BMAL1: variants seen among roughly 807,000 people sequenced by gnomAD.
BMAL1 encodes basic helix-loop-helix ARNT like 1.
the BMAL1 span, chr11:13,385,652 T>G: frequency 6.6e-7 from 1 of 1,515,638 alleles, no homozygotes; most frequent in Non-Finnish European, 9.2e-7. Flanking sequence ...CTCATAATAC[T>G]GATTCAAACT....
the BMAL1 span, among the ~76,000 whole-genome samples, chr11:13,309,051 C>A: frequency 6.6e-6 from 1 of 152,044 alleles, no homozygotes; most frequent in Non-Finnish European, 1.5e-5. Context: ...GAACTGTACA[C>A]TTAAAAATGG....
the BMAL1 span, chr11:13,374,156 T>A: frequency 6.2e-7 from 1 of 1,613,920 alleles, no homozygotes; most frequent in Non-Finnish European, 8.5e-7. Context: ...TTATGAATAT[T>A]TTCACCAAGA....
At chr11:13,381,548 GA>G in the BMAL1 span, among the ~76,000 whole-genome samples, 1 of 152,178 alleles carries the variant, frequency 6.6e-6, no homozygotes, top group Non-Finnish European at 1.5e-5. Context: ...TCCCATGAGG[GA>G]AAGATTATTG....
At chr11:13,308,050 C>A in the BMAL1 span, among the ~76,000 whole-genome samples, 9 of 152,052 alleles carry the variant, frequency 5.9e-5, no homozygotes, top group African/African-American at 1.2e-4. Context: ...GAGACTGTCG[C>A]AGCAATCTAG....
the BMAL1 span, among the ~76,000 whole-genome samples, chr11:13,302,571 A>C: frequency 6.6e-6 from 1 of 152,304 alleles, no homozygotes; most frequent in African/African-American, 2.4e-5. Flanking sequence ...AATTGGGCCC[A>C]TGTGGGCTCT....
the BMAL1 span, among the ~76,000 whole-genome samples, chr11:13,295,418 T>C: frequency 1.3e-5 from 2 of 152,178 alleles, no homozygotes; most frequent in South Asian, 4.1e-4. Context: ...AGGTTACAGG[T>C]GCCTGTTTGT....
the BMAL1 span, among the ~76,000 whole-genome samples, chr11:13,352,895 A>C: frequency 6.4e-4 from 97 of 152,240 alleles, no homozygotes; most frequent in Non-Finnish European, 1.2e-3. Flanking sequence ...GGCTGTAGGC[A>C]GGCACCCTGC....
At chr11:13,385,636 G>A in the BMAL1 span, 2 of 1,361,604 alleles carry the variant, frequency 1.5e-6, no homozygotes, top group African/African-American at 1.4e-5. Context: ...TTTCCTTTTG[G>A]CATTGCTCAT....
At chr11:13,379,713 A>T in the BMAL1 span, 1 of 152,202 alleles carries the variant, frequency 6.6e-6, no homozygotes, top group African/African-American at 2.4e-5. Context: ...TTGCAATAAG[A>T]GTGGATGTTC....
chr11:13,377,944 G>A, the BMAL1 span, among the ~76,000 whole-genome samples: 2 of 152,172 alleles, frequency 1.3e-5, no homozygotes, highest in African/African-American at 4.8e-5. Flanking sequence ...TGGTTGCCTC[G>A]TGCTTGCCTG....
chr11:13,362,125 T>A, the BMAL1 span, among the ~76,000 whole-genome samples: 2 of 152,196 alleles, frequency 1.3e-5, no homozygotes, highest in African/African-American at 4.8e-5. Flanking sequence ...CAGAGCCACA[T>A]GCATTTGCTC....
the BMAL1 span, among the ~76,000 whole-genome samples, chr11:13,295,084 G>T: frequency 3.9e-5 from 6 of 152,232 alleles, no homozygotes; most frequent in African/African-American, 1.4e-4. Flanking sequence ...TTCCCTGGGG[G>T]AAGGCACTGG....
At chr11:13,298,134 G>T in the BMAL1 span, among the ~76,000 whole-genome samples, 1 of 152,182 alleles carries the variant, frequency 6.6e-6, no homozygotes, top group Non-Finnish European at 1.5e-5. Flanking sequence ...ACAGCTCATT[G>T]TGGTGCATGT....
At chr11:13,312,234 C>A in the BMAL1 span, among the ~76,000 whole-genome samples, 1 of 152,170 alleles carries the variant, frequency 6.6e-6, no homozygotes, top group Non-Finnish European at 1.5e-5. Flanking sequence ...TAATAGTATT[C>A]TTATTTCAGC....
At chr11:13,278,832 C>T in the BMAL1 span, among the ~76,000 whole-genome samples, 1 of 152,250 alleles carries the variant, frequency 6.6e-6, no homozygotes, top group Non-Finnish European at 1.5e-5. Context: ...TCCCGCTCGG[C>T]TATTGCCGGG....
At chr11:13,353,767 A>G in the BMAL1 span, among the ~76,000 whole-genome samples, 63 of 152,336 alleles carry the variant, frequency 4.1e-4, no homozygotes, top group African/African-American at 1.5e-3. Context: ...TGGAGGTGGT[A>G]GTGAGCTGAG....
At chr11:13,337,265 C>A in the BMAL1 span, among the ~76,000 whole-genome samples, 940 of 152,198 alleles carry the variant, frequency 6.2e-3, 10 homozygotes, top group African/African-American at 0.021. Flanking sequence ...TCTTAATATT[C>A]TGGTGAATTT....
the BMAL1 span, among the ~76,000 whole-genome samples, chr11:13,336,151 C>G: frequency 6.6e-6 from 1 of 152,226 alleles, no homozygotes; most frequent in South Asian, 2.1e-4. Flanking sequence ...AAATTTTTAA[C>G]TGCATTCATT....
At chr11:13,385,888 C>A in the BMAL1 span, 2 of 920,422 alleles carry the variant, frequency 2.2e-6, no homozygotes, top group Non-Finnish European at 3.4e-6. Flanking sequence ...ACAAGCTAAT[C>A]CTAGATAAAT....
Sources: gnomAD v4.1 joint callset for allele counts (sites outside exome capture counted in the v4.1 genomes callset) on GRCh38, gnomAD v4.1.1 for gene constraint, MANE v1.5 for transcripts, NCBI Gene and HGNC (gene_info 2026-07-23, HGNC 2026-07-21) for gene names.